SLC30A7: variants seen among roughly 807,000 people sequenced by gnomAD.
The protein encoded by SLC30A7 is solute carrier family 30 member 7.
A neutral mutation model predicts 46.0 loss-of-function variants in SLC30A7; 35 were observed. The ratio of observed to expected loss-of-function variants is 0.76; its 90% CI spans 0.58 to 1.01. SLC30A7 has a LOEUF of 1.01. Ranked by LOEUF, SLC30A7 falls within the 50% of genes least tolerant of loss-of-function variation. The pLI is 0.00. For synonymous variants in SLC30A7, 147 were observed against 157.8 expected (o/e 0.93, Z 0.51); for missense variants, 464 against 451.1 (o/e 1.03, Z -0.26).
chr1:100,912,313 A>C (rs1018184866), intron 5 of SLC30A7, 75 bp downstream of exon 5: 3 of 1,498,222 alleles, frequency 2.0e-6, no homozygotes, highest in Non-Finnish European at 2.7e-6. Context: ...GAGAGAATTA[A>C]GTTAAACTAT....
At chr1:100,983,892 G>A (rs1383920826), downstream of SLC30A7, among the ~76,000 whole-genome samples, 7 of 152,158 alleles carry the variant, frequency 4.6e-5, no homozygotes, top group African/African-American at 7.2e-5. Flanking sequence ...CTGATTAGCC[G>A]TCGCTGTCTT....
At chr1:100,902,022 T>A (rs1032105583) in intron 2 of SLC30A7, among the ~76,000 whole-genome samples, 1 of 152,218 alleles carries the variant, frequency 6.6e-6, no homozygotes, top group Non-Finnish European at 1.5e-5. Context: ...AGATTGAATA[T>A]GAGCAGTAAA....
At chr1:100,957,975 A>G (rs573903713) in intron 8 of SLC30A7, among the ~76,000 whole-genome samples, 4 of 152,296 alleles carry the variant, frequency 2.6e-5, no homozygotes, top group South Asian at 2.1e-4. Context: ...GGAAGTCTTC[A>G]GCTATTTAAT....
chr1:100,983,219 C>G (rs1388347258), downstream of SLC30A7, among the ~76,000 whole-genome samples: 1 of 151,936 alleles, frequency 6.6e-6, no homozygotes, highest in Admixed American at 6.6e-5. Context: ...AGCAAAAAAA[C>G]AGCAGAGACA....
At chr1:100,898,721 C>T (rs1301501013) in intron 2 of SLC30A7, among the ~76,000 whole-genome samples, 1 of 152,020 alleles carries the variant, frequency 6.6e-6, no homozygotes, top group Non-Finnish European at 1.5e-5. Context: ...TTTTTAGTTC[C>T]TTTTGTTGAC....
rs186128138 is a variant in SLC30A7, at chr1:100,976,753, C to T, written c.*1896C>T. The T allele has an allele frequency of 2.0e-3, 305 of 152,726 alleles. No individual in the cohort carries two copies. Among genetic ancestry groups the T allele is most frequent in the African/African-American group, 7.1e-3 (296 of 41,556 alleles). The allele number at this position is 152,726 out of a possible 1,614,324, so 9.5% of individuals were successfully genotyped here. On this transcript the variant is annotated 3_prime_UTR_variant, in exon 11 of 11. Transcript: ENST00000357650. Reference sequence around the variant, plus strand: ...CCTATTTCTGACCTACAACTATAAACTACTCTCTATTAGGAGAACTAGACC... The same window carrying T: ...CCTATTTCTGACCTACAACTATAAATTACTCTCTATTAGGAGAACTAGACC...
At chr1:100,955,742 A>T (rs1196107717) in intron 8 of SLC30A7, among the ~76,000 whole-genome samples, 1 of 152,132 alleles carries the variant, frequency 6.6e-6, no homozygotes, top group Admixed American at 6.5e-5. Flanking sequence ...CTCCTGAGCT[A>T]AACACAATTT....
At chr1:100,983,992 T>C (rs1033935241), downstream of SLC30A7, among the ~76,000 whole-genome samples, 2 of 152,224 alleles carry the variant, frequency 1.3e-5, no homozygotes, top group African/African-American at 4.8e-5. Flanking sequence ...CCGTGAGCAA[T>C]AATTTGTACA....
At chr1:100,935,545 A>G (rs1431548005) in intron 8 of SLC30A7, among the ~76,000 whole-genome samples, 3 of 152,298 alleles carry the variant, frequency 2.0e-5, no homozygotes, top group East Asian at 1.9e-4. Context: ...TATGCACTGG[A>G]ATAATCACTA....
chr1:100,907,010 T>A, intron 3 of SLC30A7, 45 bp downstream of exon 3: 2 of 1,267,554 alleles, frequency 1.6e-6, no homozygotes, highest in Admixed American at 1.9e-5. Flanking sequence ...GTATAAGATA[T>A]ACACAAAAAA....
At position 100,926,433 on chromosome 1, in the gene SLC30A7, G is replaced by A. The variant is rs78796815; in HGVS notation, c.842+4592G>A. Among the ~76,000 whole-genome samples, 1,344 of 152,098 alleles carry A rather than the reference G, an allele frequency of 8.8e-3. 30 individuals carry two copies. Among genetic ancestry groups the A allele is most frequent in the African/African-American group, 0.031 (1,296 of 41,456 alleles). On this transcript the variant is annotated intron_variant, in intron 8 of 10. Transcript: ENST00000357650. ...GAAGGCAGAGCAGGCATGTAGCGTG[G>A]TGAAAGAGAGAGAGAGAAAAAACAA...
At chr1:100,896,811 C>T in intron 2 of SLC30A7, 140 bp downstream of exon 2, 1 of 714,982 alleles carries the variant, frequency 1.4e-6, no homozygotes. Flanking sequence ...GTTGCTTTCT[C>T]ATACCCACAC....
At chr1:100,921,636 G>T in intron 7 of SLC30A7, 70 bp from the exon 8 acceptor site, 1 of 1,281,186 alleles carries the variant, frequency 7.8e-7, no homozygotes, top group East Asian at 2.3e-5. Context: ...TAAGAGTATA[G>T]CTCTAGGATA....
intron 6 of SLC30A7, among the ~76,000 whole-genome samples, chr1:100,914,973 A>G (rs1163125650): frequency 6.6e-6 from 1 of 152,142 alleles, no homozygotes; most frequent in East Asian, 1.9e-4. Flanking sequence ...GATATGATTG[A>G]CATATGAAAA....
chr1:100,953,453 T>C (rs1410905024), intron 8 of SLC30A7, among the ~76,000 whole-genome samples: 4 of 152,200 alleles, frequency 2.6e-5, no homozygotes, highest in African/African-American at 9.7e-5. Context: ...ATTCATTCAA[T>C]TTTGATAGTC....
chr1:100,950,213 CTTAA>C (rs1654883735), intron 8 of SLC30A7, among the ~76,000 whole-genome samples: 5 of 152,200 alleles, frequency 3.3e-5, no homozygotes, highest in Admixed American at 2.0e-4. Context: ...TGTTGTTTTG[CTTAA>C]TTAATCCTTT....
At chr1:100,982,679 A>C (rs914054088), downstream of SLC30A7, among the ~76,000 whole-genome samples, 1 of 152,010 alleles carries the variant, frequency 6.6e-6, no homozygotes, top group Non-Finnish European at 1.5e-5. Flanking sequence ...TCCTTGCCCA[A>C]CTCTAGCCAC....
chr1:100,977,929 T>C lies in SLC30A7; in HGVS notation c.*3072T>C, dbSNP rs546543071. ...CCACCACGCCCGGCTAATTTTTGTG[T>C]TTTTAGCAGAGACAGGGTTTCACCA... On this transcript the variant is annotated 3_prime_UTR_variant, in exon 11 of 11. Transcript: ENST00000357650. The C allele has an allele frequency of 7.9e-5, 12 of 152,276 alleles. No homozygotes were observed. The highest frequency in any genetic ancestry group is 2.6e-4 in the African/African-American group (11 of 41,540). The allele number at this position is 152,276 out of a possible 1,614,324, so 9.4% of individuals were successfully genotyped here. A position where few individuals can be genotyped will look rare whatever the true frequency, so the allele number is the denominator to read the frequency against.
At position 100,906,859 on chromosome 1, in the gene SLC30A7, T is replaced by G; in HGVS notation, c.190T>G (p.Leu64Val). 1 of 1,611,764 alleles carries G rather than the reference T, an allele frequency of 6.2e-7. No individual in the cohort carries two copies. The highest frequency in any genetic ancestry group is 8.5e-7 in the Non-Finnish European group (1 of 1,178,072). ...GTGTTTGTTCTTTTCCAGCTTAGGC[T>G]TGATTTCCGACTCTTTTCACATGTT... Reference protein sequence around the residue: ...LYGIWSNCLGLISDSFHMFFD... With the variant: ...LYGIWSNCLGVISDSFHMFFD... The change falls in exon 3 of 11, where the codon TTG becomes GTG. Residue 64 changes from leucine to valine, a missense_variant. Physicochemically the swap from Leu to Val is conservative, Grantham distance 32. Coordinates refer to ENST00000357650, the MANE Select transcript of SLC30A7 (RefSeq NM_133496.5).
Sources: allele counts gnomAD v4.1 joint callset (sites outside exome capture counted in the v4.1 genomes callset), GRCh38; gene constraint gnomAD v4.1.1; transcripts MANE v1.5; gene names NCBI Gene and HGNC (gene_info 2026-07-23, HGNC 2026-07-21).